COL4A2: variants seen among roughly 807,000 people sequenced by gnomAD.
The protein encoded by COL4A2 is collagen type IV alpha 2 chain, also known as collagen alpha-2(IV) chain.
Under a neutral mutation model 200.2 loss-of-function variants are expected in COL4A2, and 99 were observed. That is an observed-to-expected ratio of 0.49 (90% CI 0.42 to 0.58). The LOEUF is 0.58. Among genes scored for constraint, COL4A2 ranks in the 20% least tolerant of loss-of-function variants. The probability of loss-of-function intolerance (pLI) is 0.00; values close to 1 mark genes in which losing one functional copy is unlikely to be tolerated. For missense variants in COL4A2, 1,950 were observed against 2,314.1 expected, an observed-to-expected ratio of 0.84 and a Z score of 3.23; for synonymous variants, 897 against 900.6, an observed-to-expected ratio of 1.00 and a Z score of 0.07.
Position 110,513,186 on chromosome 13 carries a change from GTTTA to G in COL4A2, c.*997_*1000del, listed in dbSNP as rs546320450. Among the ~76,000 whole-genome samples, 303 of 152,206 alleles carry G rather than the reference GTTTA, an allele frequency of 2.0e-3. 1 individual carries two copies. Among genetic ancestry groups the G allele is most frequent in the African/African-American group, 7.0e-3 (289 of 41,532 alleles). ...CAGCCATTTCTCGGGGAATGTGTTT[GTTTA>G]TAACTCACTAATGCTTACAGAAAAC... On this transcript the variant is annotated 3_prime_UTR_variant, in exon 48 of 48. Coordinates refer to ENST00000360467, the MANE Select transcript of COL4A2 (RefSeq NM_001846.4).
chr13:110,374,190 C>T (rs1878138832), intron 4 of COL4A2, among the ~76,000 whole-genome samples: 1 of 152,166 alleles, frequency 6.6e-6, no homozygotes, highest in Non-Finnish European at 1.5e-5. Flanking sequence ...GATGGGAGCA[C>T]TTTACATCCA....
chr13:110,386,411 G>A (rs1166349331), intron 4 of COL4A2, among the ~76,000 whole-genome samples: 2 of 152,164 alleles, frequency 1.3e-5, no homozygotes, highest in African/African-American at 2.4e-5. Flanking sequence ...TGGAAAAGTA[G>A]GATGGCTCCT....
Position 110,432,379 on chromosome 13 carries a change from G to A in COL4A2, c.684+19G>A, listed in dbSNP as rs1287601486. 8 of 1,601,426 alleles carry A rather than the reference G, an allele frequency of 5.0e-6. No homozygotes were observed. The highest frequency in any genetic ancestry group is 2.3e-5 in the East Asian group (1 of 44,176). Reference sequence around the variant, plus strand: ...ACAGCAAGTAAGTTGGTTTTGGGGGGTGAGGATGAGGGAAGGGGGTACTTA... The same window carrying A: ...ACAGCAAGTAAGTTGGTTTTGGGGGATGAGGATGAGGGAAGGGGGTACTTA... On this transcript the variant is annotated intron_variant, in intron 11 of 47. Transcript: ENST00000360467.
intron 7 of COL4A2, chr13:110,428,936 T>G (rs888349122): frequency 1.5e-5 from 3 of 197,564 alleles, no homozygotes; most frequent in Non-Finnish European, 3.0e-5. Context: ...TGAAATACTT[T>G]GTGACGTGGG....
intron 18 of COL4A2, 36 bp from the exon 19 acceptor site, chr13:110,449,643 G>A (rs1881458882): frequency 6.6e-7 from 1 of 1,523,582 alleles, no homozygotes; most frequent in East Asian, 2.5e-5. Context: ...GTAGACCACG[G>A]TCTTGTTCTT....
chr13:110,478,430 C>T (rs1594097806), intron 30 of COL4A2, among the ~76,000 whole-genome samples: 1 of 152,218 alleles, frequency 6.6e-6, no homozygotes. Context: ...ATTCCCCCTA[C>T]AAAAGTTCAG....
chr13:110,405,197 C>T (rs182816014), intron 4 of COL4A2, among the ~76,000 whole-genome samples: 1 of 152,184 alleles, frequency 6.6e-6, no homozygotes, highest in African/African-American at 2.4e-5. Flanking sequence ...GAGATCTGGG[C>T]TACAGAGAAA....
intron 4 of COL4A2, among the ~76,000 whole-genome samples, chr13:110,402,871 G>A (rs1879423598): frequency 1.3e-5 from 2 of 152,208 alleles, no homozygotes. Flanking sequence ...CACTCTGTGT[G>A]CCTGCAGAGT....
chr13:110,333,460 T>C (rs1876020692), intron 3 of COL4A2, among the ~76,000 whole-genome samples: 1 of 152,252 alleles, frequency 6.6e-6, no homozygotes, highest in African/African-American at 2.4e-5. Context: ...AGGTGTGTTC[T>C]GGTACCTACA....
At position 110,439,807 on chromosome 13, in the gene COL4A2, G is replaced by T; in HGVS notation, c.931G>T (p.Gly311Cys). The T allele has an allele frequency of 1.2e-6, 2 of 1,613,988 alleles. No homozygotes were observed. Among genetic ancestry groups the T allele is most frequent in the Non-Finnish European group, 1.7e-6 (2 of 1,179,974 alleles). The change falls in exon 16 of 48, where the codon GGT becomes TGT. Residue 311 changes from glycine to cysteine, a missense_variant. By Grantham distance (159) the Gly-to-Cys change is radical. Transcript: ENST00000360467. ...PGLRGYPGLSGEKGSPGQKGS... is the reference protein window; with the variant it reads ...PGLRGYPGLSCEKGSPGQKGS... Reference sequence around the variant, plus strand: ...ATTCCAGGGTTACCCTGGCTTGAGTGGTGAAAAAGGATCACCAGGACAGAA... The same window carrying T: ...ATTCCAGGGTTACCCTGGCTTGAGTTGTGAAAAAGGATCACCAGGACAGAA...
chr13:110,348,388 G>A (rs1876807426), intron 3 of COL4A2, among the ~76,000 whole-genome samples: 2 of 152,186 alleles, frequency 1.3e-5, no homozygotes, highest in African/African-American at 4.8e-5. Flanking sequence ...ATAGAAGAAG[G>A]ATTTGTGCTG....
chr13:110,345,939 G>A (rs1409021338), intron 3 of COL4A2, among the ~76,000 whole-genome samples: 2 of 152,178 alleles, frequency 1.3e-5, no homozygotes, highest in East Asian at 3.9e-4. Flanking sequence ...TCAGAATAGT[G>A]CCAGCTGTGT....
At position 110,414,133 on chromosome 13, in the gene COL4A2, C is replaced by G. The variant is rs1348211299; in HGVS notation, c.181-10601C>G. ...GAGGCTGCAGTGAGCTATGACTGTG[C>G]CACTGCAGTCCAGCCGGGCAACAGC... On this transcript the variant is annotated intron_variant, in intron 4 of 47. Coordinates refer to ENST00000360467, the MANE Select transcript of COL4A2 (RefSeq NM_001846.4). Among the ~76,000 whole-genome samples the G allele has an allele frequency of 2.6e-5, 4 of 152,170 alleles. No homozygotes were observed. The East Asian group carries it at 7.7e-4, about 29-fold the overall frequency.
intron 45 of COL4A2, among the ~76,000 whole-genome samples, chr13:110,505,123 G>T (rs1314512820): frequency 2.0e-5 from 3 of 151,802 alleles, no homozygotes; most frequent in Admixed American, 1.3e-4. Context: ...GGCTGAGGTG[G>T]GCGGATCACA....
intron 45 of COL4A2, 63 bp from the exon 46 acceptor site, chr13:110,506,352 C>G (rs1330297338): frequency 5.3e-6 from 8 of 1,523,190 alleles, no homozygotes; most frequent in Non-Finnish European, 6.2e-6. Context: ...GCCGTCCACT[C>G]TCTCTCTTTC....
chr13:110,477,470 T>C (rs1184653534), intron 29 of COL4A2, among the ~76,000 whole-genome samples: 2 of 152,208 alleles, frequency 1.3e-5, no homozygotes, highest in African/African-American at 4.8e-5. Context: ...ACGATGTCAG[T>C]TTCTCAGGCA....
intron 3 of COL4A2, among the ~76,000 whole-genome samples, chr13:110,340,186 C>T (rs892900374): frequency 6.6e-5 from 10 of 152,156 alleles, no homozygotes; most frequent in Admixed American, 3.3e-4. Context: ...TGCCTGATCT[C>T]AGCTCACTGC....
At chr13:110,321,716 T>A (rs1229233849) in intron 3 of COL4A2, among the ~76,000 whole-genome samples, 1 of 152,242 alleles carries the variant, frequency 6.6e-6, no homozygotes, top group East Asian at 1.9e-4. Context: ...CATTTCCACG[T>A]GGCTGGAGAA....
At chr13:110,362,998 C>T (rs372085787) in intron 4 of COL4A2, among the ~76,000 whole-genome samples, 2 of 152,348 alleles carry the variant, frequency 1.3e-5, no homozygotes. Flanking sequence ...CATCAACCTT[C>T]ACAGGGCACC....
Sources: gnomAD v4.1 joint callset for allele counts (sites outside exome capture counted in the v4.1 genomes callset) on GRCh38, gnomAD v4.1.1 for gene constraint, MANE v1.5 for transcripts, NCBI Gene and HGNC (gene_info 2026-07-23, HGNC 2026-07-21) for gene names.